GPR158: variants seen among roughly 807,000 people sequenced by gnomAD.
GPR158 encodes G protein-coupled receptor 158, also known as metabotropic glycine receptor.
A neutral mutation model predicts 78.2 loss-of-function variants in GPR158; 30 were observed. That is an observed-to-expected ratio of 0.38 (90% CI 0.29 to 0.52). The LOEUF (loss-of-function observed/expected upper bound fraction) is 0.52, where lower values mean the gene tolerates loss of function less well. Ranked by LOEUF, GPR158 falls within the 20% of genes least tolerant of loss-of-function variation. GPR158 has a pLI of 0.83. For missense variants in GPR158, 1,463 were observed against 1,523.5 expected, an observed-to-expected ratio of 0.96 and a Z score of 0.66; for synonymous variants, 581 against 591.1, an observed-to-expected ratio of 0.98 and a Z score of 0.25.
intron 2 of GPR158, among the ~76,000 whole-genome samples, chr10:25,388,995 T>G (rs972277195): frequency 2.0e-5 from 3 of 152,332 alleles, no homozygotes; most frequent in Admixed American, 1.3e-4. Flanking sequence ...CTCTAGACTT[T>G]GGGCACCAAT....
At chr10:25,545,611 G>A (rs1341885756) in intron 5 of GPR158, among the ~76,000 whole-genome samples, 1 of 151,960 alleles carries the variant, frequency 6.6e-6, no homozygotes, top group Non-Finnish European at 1.5e-5. Flanking sequence ...TGAAAATATT[G>A]AACTTTCTAA....
chr10:25,358,643 T>C (rs935557684), intron 2 of GPR158, among the ~76,000 whole-genome samples: 1 of 152,108 alleles, frequency 6.6e-6, no homozygotes, highest in Non-Finnish European at 1.5e-5. Context: ...TCCCTAGCCA[T>C]GTGGAACTGT....
chr10:25,501,470 A>C (rs1454339258), intron 5 of GPR158, among the ~76,000 whole-genome samples: 6 of 152,148 alleles, frequency 3.9e-5, no homozygotes, highest in Admixed American at 1.3e-4. Context: ...ACTAACTTAC[A>C]ATTTGCACTA....
chr10:25,175,515 C>T lies in GPR158; in HGVS notation c.95C>T (p.Pro32Leu), dbSNP rs1238554003. Reference protein sequence around the residue: ...VGASRDPQGRPDSPRERTPKG... With the variant: ...VGASRDPQGRLDSPRERTPKG... ...GCCAGCCGCGACCCCCAAGGACGGC[C>T]GGATTCCCCTCGAGAGAGGACCCCG... Residue 32 changes from proline to leucine, a missense_variant, in exon 1 of 11, where the codon CCG (proline) becomes CTG (leucine). Pro to Leu is a moderately conservative substitution (Grantham distance 98). Transcript: ENST00000376351. This position sits in a 1 kb window ranked among gnomAD's most constrained non-coding sequence, Gnocchi z 6.4. 1 of 1,612,266 alleles carries T rather than the reference C, an allele frequency of 6.2e-7. No individual in the cohort carries two copies. Among genetic ancestry groups the T allele is most frequent in the Admixed American group, 1.7e-5 (1 of 59,990 alleles).
intron 1 of GPR158, among the ~76,000 whole-genome samples, chr10:25,214,148 C>A (rs2130673614): frequency 6.6e-6 from 1 of 152,102 alleles, no homozygotes; most frequent in East Asian, 1.9e-4. Context: ...GCGCCCGACA[C>A]CACGCCCCGC....
At chr10:25,354,649 C>G (rs7088195) in intron 2 of GPR158, among the ~76,000 whole-genome samples, 110 of 152,124 alleles carry the variant, frequency 7.2e-4, no homozygotes, top group African/African-American at 2.5e-3. Flanking sequence ...TTAATTTTGC[C>G]AGTGGGTTTT....
intron 2 of GPR158, among the ~76,000 whole-genome samples, chr10:25,263,743 C>T (rs1029641323): frequency 1.1e-4 from 16 of 152,026 alleles, no homozygotes; most frequent in African/African-American, 3.1e-4. Flanking sequence ...TCGAGACCAG[C>T]CTGGCCAACA....
intron 4 of GPR158, among the ~76,000 whole-genome samples, chr10:25,428,415 G>A (rs1349138912): frequency 6.6e-6 from 1 of 151,912 alleles, no homozygotes; most frequent in African/African-American, 2.4e-5. Context: ...AGATTAGCTG[G>A]CACTGATGAG....
intron 1 of GPR158, among the ~76,000 whole-genome samples, chr10:25,219,321 C>T (rs891962052): frequency 6.6e-6 from 1 of 152,154 alleles, no homozygotes. Context: ...TGTTATCTTA[C>T]AGTGATATGC....
chr10:25,395,991 C>T lies in GPR158; in HGVS notation c.1089C>T (p.Val363=). The change falls in exon 3 of 11, where the codon GTC becomes GTT. Residue 363 remains valine (V), a synonymous_variant. Coordinates refer to ENST00000376351, the MANE Select transcript of GPR158 (RefSeq NM_020752.3). ...ICKAGFYHPG[V]LPVNNFRRRG... ...AAGCAGGATTCTATCATCCTGGAGT[C>T]TTACCAGTGAACAACTTTCGGAGTA... 6.3e-7 allele frequency: 1 copy of T among 1,594,788 alleles called. No individual in the cohort carries two copies. Among genetic ancestry groups the T allele is most frequent in the East Asian group, 2.2e-5 (1 of 44,744 alleles).
At chr10:25,210,469 G>T (rs1477920240) in intron 1 of GPR158, among the ~76,000 whole-genome samples, 1 of 152,162 alleles carries the variant, frequency 6.6e-6, no homozygotes, top group Non-Finnish European at 1.5e-5. Context: ...GCGTGCATCA[G>T]TTTCCAGACC....
intron 5 of GPR158, among the ~76,000 whole-genome samples, chr10:25,480,623 T>A (rs937320864): frequency 2.0e-5 from 3 of 152,238 alleles, no homozygotes; most frequent in African/African-American, 7.2e-5. Flanking sequence ...TCATTTGCCA[T>A]AGTGTTTTCA....
intron 3 of GPR158, among the ~76,000 whole-genome samples, chr10:25,398,744 A>G (rs1042938057): frequency 6.6e-6 from 1 of 152,184 alleles, no homozygotes; most frequent in African/African-American, 2.4e-5. Flanking sequence ...TGCAGCCATG[A>G]AAGAGAGGCC....
At chr10:25,521,523 T>A (rs1001766786) in intron 5 of GPR158, among the ~76,000 whole-genome samples, 4 of 152,254 alleles carry the variant, frequency 2.6e-5, no homozygotes, top group Non-Finnish European at 5.9e-5. Flanking sequence ...GAATTCTTTT[T>A]CTGGCAACTT....
intron 4 of GPR158, among the ~76,000 whole-genome samples, chr10:25,461,824 C>T (rs146890892): frequency 0.017 from 2,637 of 151,486 alleles, 85 homozygotes; most frequent in African/African-American, 0.061. Flanking sequence ...CTCCATCTCC[C>T]GGGTTCACGC....
At chr10:25,463,588 T>C (rs1835385086) in intron 4 of GPR158, among the ~76,000 whole-genome samples, 1 of 152,212 alleles carries the variant, frequency 6.6e-6, no homozygotes, top group Non-Finnish European at 1.5e-5. Context: ...TTAACAACTC[T>C]GGTTATAGTT....
chr10:25,201,127 T>C (rs867171844), intron 1 of GPR158, among the ~76,000 whole-genome samples: 6 of 152,178 alleles, frequency 3.9e-5, no homozygotes, highest in Admixed American at 6.6e-5. Flanking sequence ...TGATTCTTCC[T>C]ATCCATGAGC....
intron 1 of GPR158, among the ~76,000 whole-genome samples, chr10:25,192,217 G>T (rs1243771036): frequency 6.6e-6 from 1 of 152,064 alleles, no homozygotes; most frequent in African/African-American, 2.4e-5. Flanking sequence ...AGTCCCTCCT[G>T]GGTTCATTTT....
At chr10:25,192,001 T>A (rs940323016) in intron 1 of GPR158, among the ~76,000 whole-genome samples, 1 of 152,156 alleles carries the variant, frequency 6.6e-6, no homozygotes, top group Non-Finnish European at 1.5e-5. Context: ...AGGACCATAT[T>A]TTGTGACTTC....
Sources: allele counts gnomAD v4.1 joint callset (sites outside exome capture counted in the v4.1 genomes callset), GRCh38; gene constraint gnomAD v4.1.1; non-coding constraint Gnocchi (gnomAD v3.1); transcripts MANE v1.5; gene names NCBI Gene and HGNC (gene_info 2026-07-23, HGNC 2026-07-21).